POP1: variants seen among roughly 807,000 people sequenced by gnomAD.
The protein encoded by POP1 is ribonucleases P/MRP protein subunit POP1.
POP1 carries 75 observed loss-of-function variants against 102.2 expected under a neutral mutation model. The ratio of observed to expected loss-of-function variants is 0.73; its 90% CI spans 0.61 to 0.89. POP1 has a LOEUF of 0.89. POP1 is among the 40% of genes least tolerant of loss of function. The pLI, the probability that POP1 is intolerant of heterozygous loss-of-function variation, is 0.00. For missense variants in POP1, 1,116 were observed against 1,267.4 expected (o/e 0.88, Z 1.81); for synonymous variants, 436 against 464.1 (o/e 0.94, Z 0.78).
Position 98,158,242 on chromosome 8 carries a change from C to A in POP1, c.3046C>A (p.Arg1016=). 1 of 1,611,356 alleles carries A rather than the reference C, an allele frequency of 6.2e-7. No homozygotes were observed. The highest frequency in any genetic ancestry group is 1.1e-5 in the South Asian group (1 of 91,022). Residue 1016 remains arginine, a synonymous_variant, in exon 16 of 16, where the codon CGA becomes AGA. Transcript: ENST00000401707. ...LLRPPASLQY[R]FARIAIEV ...GAGGCCTCCCGCCTCTCTGCAGTAT[C>A]GATTTGCGAGGATTGCTATTGAGGT...
chr8:98,130,035 C>G lies in POP1; in HGVS notation c.544C>G (p.Arg182Gly). Reference protein sequence around the residue: ...EHSKNKCHKARRCHMNRTLEF... With the variant: ...EHSKNKCHKAGRCHMNRTLEF... ...TTCAAAAAATAAATGCCATAAAGCTCGAAGATGTCACATGAACCGGACGCT... is the reference window on the plus strand; with the variant it reads ...TTCAAAAAATAAATGCCATAAAGCTGGAAGATGTCACATGAACCGGACGCT... The change falls in exon 5 of 16, where the codon CGA becomes GGA. Residue 182 changes from arginine to glycine, a missense_variant. Arg to Gly is a moderately radical substitution (Grantham distance 125). Transcript: ENST00000401707. 1.9e-6 allele frequency: 3 copies of G among 1,613,912 alleles called. No individual in the cohort carries two copies. The highest frequency in any genetic ancestry group is 2.2e-5 in the South Asian group (2 of 91,062).
At position 98,134,476 on chromosome 8, in the gene POP1, G is replaced by A. The variant is rs765373475; in HGVS notation, c.828G>A (p.Leu276=). Residue 276 remains leucine, a synonymous_variant, in exon 7 of 16, where the codon CTG becomes CTA. Transcript: ENST00000401707. ...TTTTGCTTTTGTTGATGTCAGGGCTGACGTTTGCAGCAGTTCACTGCTTGT... is the reference window on the plus strand; with the variant it reads ...TTTTGCTTTTGTTGATGTCAGGGCTAACGTTTGCAGCAGTTCACTGCTTGT... ...LSGMCNIDTG[L]TFAAVHCLSG... 6.2e-7 allele frequency: 1 copy of A among 1,614,104 alleles called. No individual in the cohort carries two copies. Among genetic ancestry groups the A allele is most frequent in the Non-Finnish European group, 8.5e-7 (1 of 1,180,012 alleles).
Position 98,136,759 on chromosome 8 carries a change from G to A in POP1, c.1268+21G>A. ...ATCAGGTATGAGTTGAATTTGCTTT[G>A]AACCTACTGAACATTTTCAGTGAAG... On this transcript the variant is annotated intron_variant, in intron 8 of 15. Coordinates refer to ENST00000401707, the MANE Select transcript of POP1 (RefSeq NM_001145860.2). 1.9e-6 allele frequency: 3 copies of A among 1,613,336 alleles called. No individual in the cohort carries two copies. In the South Asian group the frequency reaches 3.3e-5, roughly 18 times the overall value.
chr8:98,125,031 C>A (rs1167569965), intron 2 of POP1, among the ~76,000 whole-genome samples: 1 of 152,110 alleles, frequency 6.6e-6, no homozygotes, highest in Non-Finnish European at 1.5e-5. Flanking sequence ...GCCTACCATG[C>A]CATATGATAA....
chr8:98,150,968 T>G (rs1229039519), intron 14 of POP1, among the ~76,000 whole-genome samples: 1 of 152,238 alleles, frequency 6.6e-6, no homozygotes, highest in African/African-American at 2.4e-5. Flanking sequence ...AAAATGGAAA[T>G]TGTGTTTTTA....
chr8:98,150,333 A>G, intron 13 of POP1, 152 bp from the exon 14 acceptor site: 1 of 817,468 alleles, frequency 1.2e-6, no homozygotes, highest in South Asian at 1.6e-5. Context: ...GATTTTATTC[A>G]TTTTTACTAT....
rs1055406579 is a variant in POP1, at chr8:98,157,606, A to G, written c.2421-11A>G. On this transcript the variant is annotated splice_polypyrimidine_tract_variant and intron_variant, in intron 15 of 15. Coordinates refer to ENST00000401707, the MANE Select transcript of POP1 (RefSeq NM_001145860.2). ...AAATATCCTCAAACGTATGTCTCCA[A>G]CTTCATGTAGGAGTAGAAAATTACT... 1.9e-6 allele frequency: 3 copies of G among 1,613,940 alleles called. No homozygotes were observed. Among genetic ancestry groups the G allele is most frequent in the African/African-American group, 2.7e-5 (2 of 74,924 alleles).
At position 98,140,095 on chromosome 8, in the gene POP1, G is replaced by A; in HGVS notation, c.1380G>A (p.Glu460=). 1 of 1,613,954 alleles carries A rather than the reference G, an allele frequency of 6.2e-7. No homozygotes were observed. The highest frequency in any genetic ancestry group is 1.1e-5 in the South Asian group (1 of 91,072). Residue 460 remains glutamate, a synonymous_variant, in exon 10 of 16, where the codon GAG becomes GAA. Transcript: ENST00000401707. ...TTTTTCAGGTGGGAGAGGACACAGA[G>A]GAGACACCTCACCGCTGGTGGATAG... ...ASVHTVGEDT[E]ETPHRWWIET...
rs781543013 is a variant in POP1 at position 98,140,040 on chromosome 8, C to G, written c.1363-38C>G. ...CATGACAAAATTATGAAGGTGGATT[C>G]ATTGTTCGTCCAGTGAATAGTAGTT... is the stretch of plus-strand genomic sequence containing the variant. On this transcript the variant is annotated intron_variant, in intron 9 of 15. Transcript: ENST00000401707. 8.8e-6 allele frequency: 13 copies of G among 1,482,476 alleles called. No individual in the cohort carries two copies. The South Asian group carries it at 1.1e-4, about 13-fold the overall frequency. 91.8% of individuals were successfully genotyped at this position (1,482,476 alleles called of 1,614,324 possible).
chr8:98,142,991 G>A (rs945571789), intron 11 of POP1, among the ~76,000 whole-genome samples: 1 of 152,240 alleles, frequency 6.6e-6, no homozygotes, highest in Middle Eastern at 3.4e-3. Flanking sequence ...AAATGAGAAA[G>A]CCTTTTACTG....
At chr8:98,130,762 A>G (rs546076464) in intron 5 of POP1, among the ~76,000 whole-genome samples, 2 of 152,340 alleles carry the variant, frequency 1.3e-5, no homozygotes, top group East Asian at 3.9e-4. Context: ...CAGATATTTG[A>G]GAATCAACTG....
In POP1 at chr8:98,148,939, T is replaced by A; in HGVS notation, c.1835T>A (p.Leu612Gln). The change falls in exon 13 of 16, where the codon CTA becomes CAA. Residue 612 changes from leucine (L) to glutamine (Q), a missense_variant. Physicochemically the swap from Leu to Gln is moderately radical, Grantham distance 113 (BLOSUM62 -2). Coordinates refer to ENST00000401707, the MANE Select transcript of POP1 (RefSeq NM_001145860.2). ...GGAAAAGTGACTGGTGAAGATCGAC[T>A]AGGCTGGGGAAGTGGCTGGGATGTC... is the stretch of plus-strand genomic sequence containing the variant. ...QPGKVTGEDR[L>Q]GWGSGWDVLL... The A allele has an allele frequency of 6.2e-7, 1 of 1,613,906 alleles. No individual in the cohort carries two copies. The highest frequency in any genetic ancestry group is 8.5e-7 in the Non-Finnish European group (1 of 1,179,872).
intron 13 of POP1, 85 bp downstream of exon 13, chr8:98,149,091 A>C (rs1279651107): frequency 1.5e-6 from 2 of 1,312,848 alleles, no homozygotes; most frequent in Non-Finnish European, 2.1e-6. Context: ...TCCAGACTTT[A>C]TGTACAACTT....
intron 1 of POP1, among the ~76,000 whole-genome samples, chr8:98,118,742 C>G (rs1815923928): frequency 6.6e-6 from 1 of 151,776 alleles, no homozygotes; most frequent in Admixed American, 6.6e-5. Context: ...TTTTCTTTCC[C>G]TTGTCCTGTT....
At chr8:98,122,825 G>T (rs979400681) in intron 1 of POP1, among the ~76,000 whole-genome samples, 10 of 152,288 alleles carry the variant, frequency 6.6e-5, no homozygotes, top group Admixed American at 1.3e-4. Flanking sequence ...AAAAATAGGG[G>T]ATGTTGAGTT....
At chr8:98,140,739 T>C (rs1184730015) in intron 10 of POP1, 30 bp from the exon 11 acceptor site, 1 of 1,610,976 alleles carries the variant, frequency 6.2e-7, no homozygotes, top group Non-Finnish European at 8.5e-7. Context: ...TGAATGACTT[T>C]CTGTAAACTT....
At chr8:98,120,597 G>A (rs886424131) in intron 1 of POP1, among the ~76,000 whole-genome samples, 2 of 150,968 alleles carry the variant, frequency 1.3e-5, no homozygotes, top group Non-Finnish European at 2.9e-5. Context: ...TCAGCCTCCC[G>A]AGCAGCTGGG....
At chr8:98,132,661 C>T (rs767647807) in intron 5 of POP1, among the ~76,000 whole-genome samples, 1 of 152,038 alleles carries the variant, frequency 6.6e-6, no homozygotes, top group African/African-American at 2.4e-5. Flanking sequence ...TCACAGTGTC[C>T]TTGTCTGTCA....
rs780982639 is a variant in POP1, at chr8:98,127,593, A to G, written c.143-2A>G. The stretch of plus-strand genomic sequence containing the variant: ...ACATGTTTCTTTTTGAAAATATACT[A>G]GAGCCTCATCCTGGAACTTCACGAC... On this transcript the variant is annotated splice_acceptor_variant, in intron 2 of 15. Coordinates refer to ENST00000401707, the MANE Select transcript of POP1 (RefSeq NM_001145860.2). LOFTEE classifies it high-confidence loss of function. The G allele has an allele frequency of 6.2e-7, 1 of 1,614,160 alleles. No individual in the cohort carries two copies.
Sources: allele counts gnomAD v4.1 joint callset (sites outside exome capture counted in the v4.1 genomes callset), GRCh38; gene constraint gnomAD v4.1.1; transcripts MANE v1.5; gene names NCBI Gene and HGNC (gene_info 2026-07-23, HGNC 2026-07-21).